Variants in CEP72 observed in about 807,000 individuals in gnomAD.
The protein encoded by CEP72 is centrosomal protein of 72 kDa.
A neutral mutation model predicts 65.7 loss-of-function variants in CEP72; 78 were observed. That is an observed-to-expected ratio of 1.19 (90% CI 0.99 to 1.43). The LOEUF (loss-of-function observed/expected upper bound fraction) is 1.43, where lower values mean the gene tolerates loss of function less well. CEP72 is among the 40% of genes most tolerant of loss of function. The pLI, the probability that CEP72 is intolerant of heterozygous loss-of-function variation, is 0.00. For synonymous variants in CEP72, 358 were observed against 351.7 expected (o/e 1.02, Z -0.20); for missense variants, 914 against 832.9 (o/e 1.10, Z -1.20).
chr5:642,977 G>A lies in CEP72; in HGVS notation c.1540-1322G>A, dbSNP rs10035246. On this transcript the variant is annotated intron_variant, in intron 9 of 11. Transcript: ENST00000264935. ...ACTTCCAGCTGCTGTGCCTGGCACGGCCTCTGAGGCAGATGGGCTGCGCCC... is the reference window on the plus strand; with the variant it reads ...ACTTCCAGCTGCTGTGCCTGGCACGACCTCTGAGGCAGATGGGCTGCGCCC... The A allele has an allele frequency of 3.6e-3, 3,561 of 985,488 alleles. 103 individuals carry two copies. In the African/African-American group the frequency reaches 0.056, roughly 16 times the overall value. 61.0% of individuals were successfully genotyped at this position (985,488 alleles called of 1,614,324 possible). A position where few individuals can be genotyped will look rare whatever the true frequency, so the allele number is the denominator to read the frequency against.
In CEP72 at chr5:623,925, G is replaced by T. The variant is rs1736565268; in HGVS notation, c.404-546G>T. On this transcript the variant is annotated intron_variant, in intron 3 of 11. Coordinates refer to ENST00000264935, the MANE Select transcript of CEP72 (RefSeq NM_018140.4). The surrounding 1 kb of genome is among the most constrained non-coding windows in gnomAD (Gnocchi z 5.3). ...CACAGAATTCACATTACAAATGGGG[G>T]TTAAGATGTGTTGTAAGTTCCAAAG... Among the ~76,000 whole-genome samples the T allele has an allele frequency of 6.6e-6, 1 of 152,198 alleles. No homozygotes were observed. The highest frequency in any genetic ancestry group is 6.5e-5 in the Admixed American group (1 of 15,278).
At chr5:659,536 A>G (rs1022715278), downstream of CEP72, among the ~76,000 whole-genome samples, 4 of 152,094 alleles carry the variant, frequency 2.6e-5, no homozygotes, top group African/African-American at 4.8e-5. Context: ...GCAGCCTGTG[A>G]TGACATTGTC....
downstream of CEP72, among the ~76,000 whole-genome samples, chr5:654,161 CTG>C (rs1383233306): frequency 8.8e-5 from 12 of 135,618 alleles, no homozygotes; most frequent in Non-Finnish European, 1.7e-4. Context: ...TGTGTGTGCT[CTG>C]TGCGCGTGCA....
rs1009657460 is a variant in CEP72 at position 643,378 on chromosome 5, G to A, written c.1540-921G>A. On this transcript the variant is annotated intron_variant, in intron 9 of 11. Coordinates refer to ENST00000264935, the MANE Select transcript of CEP72 (RefSeq NM_018140.4). The stretch of plus-strand genomic sequence containing the variant: ...GCGCCACTGCAGCAGACACCTTGGG[G>A]AGAAGTCCGCGAAATGAAGAACGGG... 27 of 985,360 alleles carry A rather than the reference G, an allele frequency of 2.7e-5. 1 individual carries two copies. In the South Asian group the frequency reaches 1.2e-3, roughly 43 times the overall value. The allele number at this position is 985,360 out of a possible 1,614,324, so 61.0% of individuals were successfully genotyped here.
In CEP72 at chr5:623,642, G is replaced by A. The variant is rs899162193; in HGVS notation, c.404-829G>A. ...CGTTAGTGCGGGGCTGGTGAAGGCC[G>A]GGGTGGAAAGGTTGCGGGAGGGTGG... is the stretch of plus-strand genomic sequence containing the variant. On this transcript the variant is annotated intron_variant, in intron 3 of 11. Coordinates refer to ENST00000264935, the MANE Select transcript of CEP72 (RefSeq NM_018140.4). This position sits in a 1 kb window ranked among gnomAD's most constrained non-coding sequence, Gnocchi z 5.3. Among the ~76,000 whole-genome samples the A allele has an allele frequency of 7.9e-5, 12 of 152,084 alleles. No individual in the cohort carries two copies. The highest frequency in any genetic ancestry group is 7.9e-4 in the Admixed American group (12 of 15,270).
rs370794550 is a variant in CEP72 at position 640,702 on chromosome 5, C to T, written c.1539+98C>T. 120 of 1,462,994 alleles carry T rather than the reference C, an allele frequency of 8.2e-5. 1 individual carries two copies. In the South Asian group the frequency reaches 1.6e-3, roughly 20 times the overall value. 90.6% of individuals were successfully genotyped at this position (1,462,994 alleles called of 1,614,324 possible). The stretch of plus-strand genomic sequence containing the variant: ...GGCAGCTCCTTGATGCCACACTGTC[C>T]CAACTGCCATCTCTGCAGCCCCATG... On this transcript the variant is annotated intron_variant, in intron 9 of 11. Transcript: ENST00000264935.
chr5:669,780 GAGCTCTCCC>G (rs1306565276), downstream of CEP72, among the ~76,000 whole-genome samples: 1 of 152,052 alleles, frequency 6.6e-6, no homozygotes, highest in African/African-American at 2.4e-5. Flanking sequence ...CACGGGCGGG[GAGCTCTCCC>G]CAGGAGACCC....
rs769158261 is a variant in CEP72 at position 647,842 on chromosome 5, T to G, written c.1704T>G (p.Ile568Met). ...GTGTGAAGAGGCTGTGTGGCGAGAT[T>G]GTGGAACTGAAGCAGCACCTGGAGC... ...QTSVKRLCGE[I>M]VELKQHLEHY... The change falls in exon 11 of 12, where the codon ATT (isoleucine) becomes ATG (methionine). Residue 568 changes from isoleucine to methionine, a missense_variant. Ile to Met is a conservative substitution (Grantham distance 10). Coordinates refer to ENST00000264935, the MANE Select transcript of CEP72 (RefSeq NM_018140.4). The G allele has an allele frequency of 1.9e-6, 3 of 1,612,828 alleles. No homozygotes were observed. Among genetic ancestry groups the G allele is most frequent in the Non-Finnish European group, 2.5e-6 (3 of 1,179,948 alleles).
chr5:640,293 A>C (rs139795739), intron 8 of CEP72, 115 bp from the exon 9 acceptor site: 2 of 969,308 alleles, frequency 2.1e-6, no homozygotes, highest in Non-Finnish European at 1.5e-6. Flanking sequence ...CCCTCTCCCT[A>C]CCTGTCGTCT....
downstream of CEP72, chr5:660,271 T>C (rs1018257634): frequency 7.2e-5 from 11 of 151,888 alleles, no homozygotes; most frequent in Admixed American, 2.6e-4. Context: ...TACAAACTAG[T>C]AGTTACACGA....
At position 629,492 on chromosome 5, in the gene CEP72, G is replaced by A. The variant is rs562893281; in HGVS notation, c.513-4277G>A. Reference sequence around the variant, plus strand: ...TCCTGGTGGGGTTCTGTCCAGTGCCGGGATTTGGACCAGTCCTGGTGGGGT... The same window carrying A: ...TCCTGGTGGGGTTCTGTCCAGTGCCAGGATTTGGACCAGTCCTGGTGGGGT... On this transcript the variant is annotated intron_variant, in intron 4 of 11. Transcript: ENST00000264935. 8.0e-4 allele frequency among the ~76,000 whole-genome samples: 100 copies of A among 125,684 alleles called. 1 individual carries two copies. The highest frequency in any genetic ancestry group is 1.1e-3 in the Non-Finnish European group (64 of 60,860). 82.5% of individuals were successfully genotyped at this position (125,684 alleles called of 152,430 possible).
Position 633,155 on chromosome 5 carries a change from C to T in CEP72, c.513-614C>T, listed in dbSNP as rs1444499683. 2.0e-4 allele frequency among the ~76,000 whole-genome samples: 16 copies of T among 80,668 alleles called. 1 individual carries two copies. Among genetic ancestry groups the T allele is most frequent in the South Asian group, 5.1e-4 (1 of 1,974 alleles). The allele number at this position is 80,668 out of a possible 152,430, so 52.9% of individuals were successfully genotyped here. A position where few individuals can be genotyped will look rare whatever the true frequency, so the allele number is the denominator to read the frequency against. On this transcript the variant is annotated intron_variant, in intron 4 of 11. Transcript: ENST00000264935. ...GTCCTGGTGGGGTTCTGTCCAGTGC[C>T]GGGATTTGGCCCAGTCCTGGTGGGG...
chr5:626,727 A>G lies in CEP72; in HGVS notation c.512+2148A>G, dbSNP rs376377926. On this transcript the variant is annotated intron_variant, in intron 4 of 11. Coordinates refer to ENST00000264935, the MANE Select transcript of CEP72 (RefSeq NM_018140.4). Reference sequence around the variant, plus strand: ...CTGTAGTCCCAGCTACTCGGGAGGCAGGAAGACCCCCTGAGCCTGGGAGTT... The same window carrying G: ...CTGTAGTCCCAGCTACTCGGGAGGCGGGAAGACCCCCTGAGCCTGGGAGTT... Among the ~76,000 whole-genome samples, 170 of 152,240 alleles carry G rather than the reference A, an allele frequency of 1.1e-3. 1 individual carries two copies. The highest frequency in any genetic ancestry group is 4.0e-3 in the African/African-American group (165 of 41,536).
downstream of CEP72, chr5:661,888 GA>G: frequency 6.6e-6 from 1 of 152,488 alleles, no homozygotes; most frequent in Non-Finnish European, 1.5e-5. Flanking sequence ...GCATGTCTGA[GA>G]AAAGCCTGAG....
At position 633,762 on chromosome 5, in the gene CEP72, C is replaced by G. The variant is rs747879726; in HGVS notation, c.513-7C>G. On this transcript the variant is annotated splice_polypyrimidine_tract_variant and splice_region_variant and intron_variant, in intron 4 of 11. Transcript: ENST00000264935. ...AGTGATGCTGATGAGTTTGCTTTTC[C>G]TTACAGACCACACCACCCCAGAGCC... is the stretch of plus-strand genomic sequence containing the variant. The G allele has an allele frequency of 1.5e-5, 25 of 1,613,516 alleles. No homozygotes were observed. The highest frequency in any genetic ancestry group is 6.8e-6 in the Non-Finnish European group (8 of 1,179,792).
At chr5:650,151 G>A (rs111206009) in intron 11 of CEP72, among the ~76,000 whole-genome samples, 1,612 of 9,970 alleles carry the variant, frequency 0.16, 34 homozygotes, top group Middle Eastern at 0.36. Flanking sequence ...ACTGTGAGGC[G>A]TGGACTGTGA....
In CEP72 at chr5:639,196, G is replaced by T; in HGVS notation, c.1314G>T (p.Arg438Ser). ...DLVDRSWGGCRSLHSNEAFLA... is the reference protein window; with the variant it reads ...DLVDRSWGGCSSLHSNEAFLA... ...TGGACAGGAGCTGGGGCGGCTGCAGGTCCCTGCACAGCAACGAGGCATTCC... is the reference window on the plus strand; with the variant it reads ...TGGACAGGAGCTGGGGCGGCTGCAGTTCCCTGCACAGCAACGAGGCATTCC... Residue 438 changes from arginine (R) to serine (S), a missense_variant, in exon 8 of 12, where the codon AGG becomes AGT. By Grantham distance (110) the Arg-to-Ser change is moderately radical. Transcript: ENST00000264935. 2 of 1,598,106 alleles carry T rather than the reference G, an allele frequency of 1.3e-6. No individual in the cohort carries two copies. Among genetic ancestry groups the T allele is most frequent in the Non-Finnish European group, 1.7e-6 (2 of 1,169,342 alleles).
chr5:647,952 G>A (rs774992316), intron 11 of CEP72, 36 bp downstream of exon 11: 2 of 1,472,398 alleles, frequency 1.4e-6, no homozygotes, highest in Non-Finnish European at 1.9e-6. Flanking sequence ...GCCCCCGAGG[G>A]GAGGAGGCCC....
intron 4 of CEP72, 42 bp from the exon 5 acceptor site, chr5:633,727 G>A: frequency 6.3e-7 from 1 of 1,597,178 alleles, no homozygotes; most frequent in Non-Finnish European, 8.6e-7. Context: ...CGGAGCATAT[G>A]GCTGGCTTGA....
Sources: allele counts gnomAD v4.1 joint callset (sites outside exome capture counted in the v4.1 genomes callset), GRCh38; gene constraint gnomAD v4.1.1; non-coding constraint Gnocchi (gnomAD v3.1); transcripts MANE v1.5; gene names NCBI Gene and HGNC (gene_info 2026-07-23, HGNC 2026-07-21).